Variants in CHST11 observed in about 807,000 individuals in gnomAD.
CHST11 encodes carbohydrate sulfotransferase 11.
Under a neutral mutation model 30.4 loss-of-function variants are expected in CHST11, and 9 were observed. That is an observed-to-expected ratio of 0.30 (90% confidence interval 0.18 to 0.52). The LOEUF (loss-of-function observed/expected upper bound fraction) is 0.52. CHST11 is among the 20% of genes least tolerant of loss of function. The pLI is 0.97. For missense variants in CHST11, 348 were observed against 460.6 expected (o/e 0.76, Z 2.24); for synonymous variants, 152 against 187.8 (o/e 0.81, Z 1.56).
At chr12:104,479,818 A>G (rs768075515) in intron 1 of CHST11, among the ~76,000 whole-genome samples, 1 of 152,152 alleles carries the variant, frequency 6.6e-6, no homozygotes, top group Non-Finnish European at 1.5e-5. Flanking sequence ...GCCACAGGAC[A>G]TATTTTTCTC....
chr12:104,514,697 G>A (rs936641268), intron 1 of CHST11, among the ~76,000 whole-genome samples: 1 of 152,190 alleles, frequency 6.6e-6, no homozygotes, highest in African/African-American at 2.4e-5. Flanking sequence ...GAGCAAGAGA[G>A]AGAGGGGAGG....
At chr12:104,554,682 C>T (rs1474281238) in intron 1 of CHST11, among the ~76,000 whole-genome samples, 3 of 152,194 alleles carry the variant, frequency 2.0e-5, no homozygotes, top group East Asian at 1.9e-4. Flanking sequence ...AGCTCTGCTT[C>T]GATCTGTGCA....
Position 104,584,520 on chromosome 12 carries a change from G to A in CHST11, c.119-17386G>A, listed in dbSNP as rs143715415. ...GATCCCCCTTCCTCAGCCTCCCAAA[G>A]TGCTGGGATTACAGGCGTGAGCCAC... On this transcript the variant is annotated intron_variant, in intron 1 of 2. Coordinates refer to ENST00000303694, the MANE Select transcript of CHST11 (RefSeq NM_018413.6). 8.2e-3 allele frequency among the ~76,000 whole-genome samples: 1,247 copies of A among 152,114 alleles called. 14 individuals are homozygous for A. The highest frequency in any genetic ancestry group is 0.027 in the African/African-American group (1,125 of 41,498).
intron 1 of CHST11, among the ~76,000 whole-genome samples, chr12:104,477,127 G>C (rs1311467194): frequency 6.6e-6 from 1 of 152,118 alleles, no homozygotes; most frequent in Non-Finnish European, 1.5e-5. Context: ...CTGTCCAAGA[G>C]TCCTATAATA....
At chr12:104,730,556 C>T (rs1291137332) in intron 2 of CHST11, among the ~76,000 whole-genome samples, 2 of 152,032 alleles carry the variant, frequency 1.3e-5, no homozygotes, top group African/African-American at 2.4e-5. Flanking sequence ...TGGTGTGTCT[C>T]GGATGCAGGT....
intron 1 of CHST11, among the ~76,000 whole-genome samples, chr12:104,547,393 C>G (rs915939660): frequency 6.6e-6 from 1 of 152,148 alleles, no homozygotes; most frequent in South Asian, 2.1e-4. Flanking sequence ...CAGGTTGTGT[C>G]GTCTCAGAGC....
At chr12:104,639,442 C>A (rs1237307897) in intron 2 of CHST11, among the ~76,000 whole-genome samples, 1 of 152,136 alleles carries the variant, frequency 6.6e-6, no homozygotes, top group Non-Finnish European at 1.5e-5. Context: ...TGCCTACACA[C>A]AGTAAGCCAA....
intron 1 of CHST11, among the ~76,000 whole-genome samples, chr12:104,471,473 G>A (rs1467342245): frequency 6.6e-6 from 1 of 152,202 alleles, no homozygotes; most frequent in South Asian, 2.1e-4. Flanking sequence ...ATGGCTAAAT[G>A]TGAACAGCCA....
intron 1 of CHST11, among the ~76,000 whole-genome samples, chr12:104,590,676 C>T (rs2038848900): frequency 6.6e-6 from 1 of 151,552 alleles, no homozygotes; most frequent in Admixed American, 6.6e-5. Flanking sequence ...AATCCCAGCA[C>T]TTTGGGAGAC....
At chr12:104,730,106 G>GCCTC (rs2040245397) in intron 2 of CHST11, among the ~76,000 whole-genome samples, 1 of 152,198 alleles carries the variant, frequency 6.6e-6, no homozygotes, top group South Asian at 2.1e-4. Context: ...TCCGTCTAGG[G>GCCTC]CCTTGTACTC....
intron 2 of CHST11, among the ~76,000 whole-genome samples, chr12:104,654,584 G>T (rs1213139443): frequency 2.6e-5 from 4 of 152,082 alleles, no homozygotes; most frequent in African/African-American, 9.7e-5. Context: ...AGTCCACCTG[G>T]CAGGGAAGCT....
intron 1 of CHST11, among the ~76,000 whole-genome samples, chr12:104,476,104 T>C (rs1470221899): frequency 7.5e-6 from 1 of 134,016 alleles, no homozygotes; most frequent in Admixed American, 7.5e-5. Flanking sequence ...TAATTATATA[T>C]AAATATAAAT....
chr12:104,608,804 C>T (rs1402943995), intron 2 of CHST11, among the ~76,000 whole-genome samples: 1 of 152,194 alleles, frequency 6.6e-6, no homozygotes, highest in Non-Finnish European at 1.5e-5. Context: ...CATTGTCCCT[C>T]ATCTACTCCA....
intron 1 of CHST11, among the ~76,000 whole-genome samples, chr12:104,550,069 C>A (rs1298023980): frequency 1.3e-5 from 2 of 152,194 alleles, no homozygotes; most frequent in South Asian, 2.1e-4. Context: ...ACCTACCTGA[C>A]CTCTTTGGGC....
rs990014109 is a variant in CHST11, at chr12:104,457,110, C to A, written c.-302C>A. 2.1e-5 allele frequency: 5 copies of A among 236,454 alleles called. No homozygotes were observed. Among genetic ancestry groups the A allele is most frequent in the African/African-American group, 9.0e-5 (4 of 44,356 alleles). The allele number at this position is 236,454 out of a possible 1,614,324, so 14.6% of individuals were successfully genotyped here. ...CGCACCCCAGCCGCCCGGCCCGCGA[C>A]CAGGCAGCGGCGGCCGCCGGCGGGA... On this transcript the variant is annotated 5_prime_UTR_variant, in exon 1 of 3. Coordinates refer to ENST00000303694, the MANE Select transcript of CHST11 (RefSeq NM_018413.6).
intron 1 of CHST11, among the ~76,000 whole-genome samples, chr12:104,551,771 G>A (rs1005224868): frequency 2.0e-5 from 3 of 152,256 alleles, no homozygotes; most frequent in East Asian, 1.9e-4. Flanking sequence ...GAGGCCGTAC[G>A]GAAGTGGTGC....
intron 2 of CHST11, among the ~76,000 whole-genome samples, chr12:104,625,781 T>C (rs1432586666): frequency 6.6e-6 from 1 of 152,236 alleles, no homozygotes; most frequent in Non-Finnish European, 1.5e-5. Context: ...CTACTAAATC[T>C]CATTTTCTTC....
At chr12:104,617,968 G>A (rs1380687203) in intron 2 of CHST11, among the ~76,000 whole-genome samples, 3 of 151,532 alleles carry the variant, frequency 2.0e-5, no homozygotes, top group African/African-American at 7.3e-5. Flanking sequence ...GTGAGCCATG[G>A]TGCGATCTCG....
At chr12:104,608,928 G>A (rs1435758489) in intron 2 of CHST11, among the ~76,000 whole-genome samples, 4 of 152,160 alleles carry the variant, frequency 2.6e-5, no homozygotes, top group Non-Finnish European at 5.9e-5. Flanking sequence ...CCTGTGAAAG[G>A]GACCCTTGAG....
Sources: allele counts gnomAD v4.1 joint callset (sites outside exome capture counted in the v4.1 genomes callset), GRCh38; gene constraint gnomAD v4.1.1; transcripts MANE v1.5; gene names NCBI Gene and HGNC (gene_info 2026-07-23, HGNC 2026-07-21).